Variants in MYORG observed in about 807,000 individuals in gnomAD.
MYORG encodes the protein myogenesis regulating glycosidase.
MYORG carries 45 observed loss-of-function variants against 49.8 expected under a neutral mutation model. The ratio of observed to expected loss-of-function variants is 0.90; its 90% CI spans 0.71 to 1.16. The LOEUF is 1.16. Among genes scored for constraint, MYORG ranks in the 50% most tolerant of loss-of-function variants. The pLI is 0.00. For missense variants in MYORG, 1,110 were observed against 1,026.5 expected (o/e 1.08, Z -1.11); for synonymous variants, 552 against 462.9 (o/e 1.19, Z -2.47).
chr9:34,372,619 G>T lies in MYORG; in HGVS notation c.325C>A (p.Gln109Lys). ...GAGCGGAAGGCCAGGCGGAAGACCT[G>T]CTCTCCCTTCTGATTGCGGATGGAG... The part of the protein sequence containing the change: ...GFSIRNQKGE[Q>K]VFRLAFRSGA... The change falls in exon 2 of 2, where the codon CAG becomes AAG. Residue 109 changes from glutamine (Q) to lysine (K), a missense_variant. Gln to Lys is a moderately conservative substitution (Grantham distance 53). Coordinates refer to ENST00000297625, the MANE Select transcript of MYORG (RefSeq NM_020702.5). The T allele has an allele frequency of 1.9e-6, 3 of 1,605,732 alleles. No homozygotes were observed. Among genetic ancestry groups the T allele is most frequent in the Non-Finnish European group, 2.5e-6 (3 of 1,176,484 alleles).
Position 34,370,855 on chromosome 9 carries a change from G to A in MYORG, c.2089C>T (p.Leu697Phe). The change falls in exon 2 of 2, where the codon CTC becomes TTC. Residue 697 changes from leucine (L) to phenylalanine (F), a missense_variant. Transcript: ENST00000297625. ...TCCAGGTCGACCGGGTAATCGGTGA[G>A]CAGCACCGGCGTCTTGTCGAAAAGC... Reference protein sequence around the residue: ...GELFDKTPVLLTDYPVDLDEI... With the variant: ...GELFDKTPVLFTDYPVDLDEI... 1.2e-6 allele frequency: 2 copies of A among 1,603,706 alleles called. No individual in the cohort carries two copies. Among genetic ancestry groups the A allele is most frequent in the Non-Finnish European group, 1.7e-6 (2 of 1,171,594 alleles).
rs1820518489 is a variant in MYORG at position 34,367,490 on chromosome 9, A to G, written c.*3309T>C. ...ATCAAAGGCTAGTTAGTTACTTCCT[A>G]GATACAACGGAGGTACAGGCATTGG... On this transcript the variant is annotated 3_prime_UTR_variant, in exon 2 of 2. Transcript: ENST00000297625. The G allele has an allele frequency of 6.6e-6, 1 of 152,248 alleles. No homozygotes were observed. The allele number at this position is 152,248 out of a possible 1,614,324, so 9.4% of individuals were successfully genotyped here.
At position 34,372,629 on chromosome 9, in the gene MYORG, C is replaced by T. The variant is rs376242927; in HGVS notation, c.315G>A (p.Gln105=). The change falls in exon 2 of 2, where the codon CAG becomes CAA. Residue 105 remains glutamine, a synonymous_variant. Transcript: ENST00000297625. ...CCAGGCGGAAGACCTGCTCTCCCTT[C>T]TGATTGCGGATGGAGAAGCCGCCAG... ...LKAGGFSIRN[Q]KGEQVFRLAF... 3.7e-6 allele frequency: 6 copies of T among 1,606,544 alleles called. No individual in the cohort carries two copies. Among genetic ancestry groups the T allele is most frequent in the Non-Finnish European group, 5.1e-6 (6 of 1,176,822 alleles).
In MYORG at chr9:34,372,727, C is replaced by G. The variant is rs200089454; in HGVS notation, c.217G>C (p.Val73Leu). 6.2e-7 allele frequency: 1 copy of G among 1,613,358 alleles called. No homozygotes were observed. The highest frequency in any genetic ancestry group is 1.3e-5 in the African/African-American group (1 of 75,060). The change falls in exon 2 of 2, where the codon GTG (valine) becomes CTG (leucine). Residue 73 changes from valine to leucine, a missense_variant. By Grantham distance (32) the Val-to-Leu change is conservative (BLOSUM62 1). Transcript: ENST00000297625. ...GAGACGCTGTAGTAGCACCAGGCCA[C>G]CACCGCGGCCAGCACAAGCAGCAGC... ...LGLLLVLAAV[V>L]AWCYYSVSLR...
chr9:34,372,095 C>A lies in MYORG; in HGVS notation c.849G>T (p.Val283=). 6.2e-7 allele frequency: 1 copy of A among 1,613,352 alleles called. No homozygotes were observed. Among genetic ancestry groups the A allele is most frequent in the Non-Finnish European group, 8.5e-7 (1 of 1,179,844 alleles). ...RAAAPELSYR[V]CVGSDVTSIH... ...TGGAGGTGACGTCTGAGCCCACGCACACTCGGTAGCTCAGCTCTGGCGCTG... is the reference window on the plus strand; with the variant it reads ...TGGAGGTGACGTCTGAGCCCACGCAAACTCGGTAGCTCAGCTCTGGCGCTG... The change falls in exon 2 of 2, where the codon GTG becomes GTT. Residue 283 remains valine (V), a synonymous_variant. Coordinates refer to ENST00000297625, the MANE Select transcript of MYORG (RefSeq NM_020702.5).
rs1462150708 is a variant in MYORG, at chr9:34,372,718, A to G, written c.226T>C (p.Cys76Arg). 23 of 1,612,978 alleles carry G rather than the reference A, an allele frequency of 1.4e-5. No homozygotes were observed. The highest frequency in any genetic ancestry group is 1.8e-5 in the Non-Finnish European group (21 of 1,179,572). ...LLVLAAVVAW[C>R]YYSVSLRKAE... ...TTGCGTAGGGAGACGCTGTAGTAGCACCAGGCCACCACCGCGGCCAGCACA... is the reference window on the plus strand; with the variant it reads ...TTGCGTAGGGAGACGCTGTAGTAGCGCCAGGCCACCACCGCGGCCAGCACA... Residue 76 changes from cysteine to arginine, a missense_variant, in exon 2 of 2, where the codon TGC becomes CGC. Transcript: ENST00000297625.
rs1416734924 is a variant in MYORG, at chr9:34,372,400, C to G, written c.544G>C (p.Ala182Pro). Residue 182 changes from alanine (A) to proline (P), a missense_variant, in exon 2 of 2, where the codon GCG becomes CCG. Ala to Pro is a conservative substitution (Grantham distance 27). Transcript: ENST00000297625. ...VEHAMFLGDAAAHWYGGAEMR... is the reference protein window; with the variant it reads ...VEHAMFLGDAPAHWYGGAEMR... ...TCGGCGCCACCATACCAGTGGGCCG[C>G]CGCGTCGCCCAAGAACATGGCGTGC... 1.3e-6 allele frequency: 2 copies of G among 1,583,952 alleles called. No individual in the cohort carries two copies. Among genetic ancestry groups the G allele is most frequent in the East Asian group, 4.7e-5 (2 of 42,938 alleles).
chr9:34,375,951 A>G (rs1820710322), intron 1 of MYORG, among the ~76,000 whole-genome samples: 1 of 152,222 alleles, frequency 6.6e-6, no homozygotes, highest in African/African-American at 2.4e-5. Context: ...CAAACAGAAA[A>G]AGGAACTTGT....
Position 34,370,521 on chromosome 9 carries a change from T to C in MYORG, c.*278A>G, listed in dbSNP as rs1451163594. 4.9e-6 allele frequency: 2 copies of C among 411,966 alleles called. No homozygotes were observed. The allele number at this position is 411,966 out of a possible 1,614,324, so 25.5% of individuals were successfully genotyped here. A position where few individuals can be genotyped will look rare whatever the true frequency, so the allele number is the denominator to read the frequency against. ...GAGCTGACCTTTTTCCTCTAAGCTC[T>C]CTGGCTTCCACCCCAGGGAAGAGGT... On this transcript the variant is annotated 3_prime_UTR_variant, in exon 2 of 2. Coordinates refer to ENST00000297625, the MANE Select transcript of MYORG (RefSeq NM_020702.5).
Position 34,367,108 on chromosome 9 carries a change from A to G in MYORG, c.*3691T>C. The G allele has an allele frequency of 1.3e-5, 2 of 152,222 alleles. 1 individual carries two copies. The highest frequency in any genetic ancestry group is 2.9e-5 in the Non-Finnish European group (2 of 68,104). 9.4% of individuals were successfully genotyped at this position (152,222 alleles called of 1,614,324 possible). On this transcript the variant is annotated 3_prime_UTR_variant, in exon 2 of 2. Transcript: ENST00000297625. ...TCTTACATGGCAGCAGACAAGAGAG[A>G]ATGAGAGCCAAGCAAAAGGGGAAAC...
chr9:34,375,694 C>T (rs1820707377), intron 1 of MYORG, among the ~76,000 whole-genome samples: 1 of 152,198 alleles, frequency 6.6e-6, no homozygotes, highest in African/African-American at 2.4e-5. Context: ...ATCTCATGAG[C>T]CCTGGAGGCA....
chr9:34,374,308 C>T lies in MYORG; in HGVS notation c.-63-1302G>A, dbSNP rs569550209. Among the ~76,000 whole-genome samples, 12 of 152,286 alleles carry T rather than the reference C, an allele frequency of 7.9e-5. No individual in the cohort carries two copies. The South Asian group carries it at 1.7e-3, about 21-fold the overall frequency. On this transcript the variant is annotated intron_variant, in intron 1 of 1. Coordinates refer to ENST00000297625, the MANE Select transcript of MYORG (RefSeq NM_020702.5). Reference sequence around the variant, plus strand: ...ATCAAACCATATCTATCCCTAGCTTCGAGAGCTGCTCATTGCTTCCATGAT... The same window carrying T: ...ATCAAACCATATCTATCCCTAGCTTTGAGAGCTGCTCATTGCTTCCATGAT...
intron 1 of MYORG, 123 bp from the exon 2 acceptor site, chr9:34,373,129 G>A (rs1820667797): frequency 1.4e-6 from 1 of 701,600 alleles, no homozygotes; most frequent in South Asian, 1.9e-5. Context: ...AGGGCTTGAA[G>A]AGTGGCAAAG....
At chr9:34,374,438 C>T (rs181742920) in intron 1 of MYORG, among the ~76,000 whole-genome samples, 145 of 152,282 alleles carry the variant, frequency 9.5e-4, no homozygotes, top group Non-Finnish European at 1.8e-3. Context: ...GATTACCAAG[C>T]TCGTTCCTTC....
Position 34,371,963 on chromosome 9 carries a change from G to T in MYORG, c.981C>A (p.Ala327=), listed in dbSNP as rs755314686. 6.2e-7 allele frequency: 1 copy of T among 1,614,042 alleles called. No individual in the cohort carries two copies. Among genetic ancestry groups the T allele is most frequent in the Non-Finnish European group, 8.5e-7 (1 of 1,179,898 alleles). Reference sequence around the variant, plus strand: ...AACGCAGCACCTTGTCCTGGTCCACGGCGCGCCCGTACAGCGCCCATGTGG... The same window carrying T: ...AACGCAGCACCTTGTCCTGGTCCACTGCGCGCCCGTACAGCGCCCATGTGG... ...IWSTWALYGR[A]VDQDKVLRFA... Residue 327 remains alanine (A), a synonymous_variant, in exon 2 of 2, where the codon GCC becomes GCA. Transcript: ENST00000297625.
rs767617737 is a variant in MYORG, at chr9:34,370,989, G to A, written c.1955C>T (p.Ser652Leu). Residue 652 changes from serine (S) to leucine (L), a missense_variant, in exon 2 of 2, where the codon TCG becomes TTG. Ser to Leu is a moderately radical substitution (Grantham distance 145). Coordinates refer to ENST00000297625, the MANE Select transcript of MYORG (RefSeq NM_020702.5). ...PGDETAHRID[S>L]QFLIGDTLLV... The stretch of plus-strand genomic sequence containing the variant: ...CAGCGTGTCCCCAATAAGGAACTGC[G>A]AGTCGATACGGTGAGCTGTCTCGTC... The A allele has an allele frequency of 1.9e-6, 3 of 1,613,524 alleles. No homozygotes were observed. In the South Asian group the frequency reaches 3.3e-5, roughly 18 times the overall value.
In MYORG at chr9:34,371,118, G is replaced by A. The variant is rs1043405651; in HGVS notation, c.1826C>T (p.Ala609Val). The A allele has an allele frequency of 6.2e-7, 1 of 1,607,788 alleles. No homozygotes were observed. The highest frequency in any genetic ancestry group is 8.5e-7 in the Non-Finnish European group (1 of 1,175,986). ...CGGTGCCACAAGCGAGGCCCGCAGG[G>A]CGGCGAACTTCTGCGCGATGGCCAC... ...EVVAIAQKFAALRASLVAPLL... is the reference protein window; with the variant it reads ...EVVAIAQKFAVLRASLVAPLL... The change falls in exon 2 of 2, where the codon GCC becomes GTC. Residue 609 changes from alanine to valine, a missense_variant. Ala to Val is a moderately conservative substitution (Grantham distance 64). Transcript: ENST00000297625.
Position 34,372,939 on chromosome 9 carries a change from A to G in MYORG, c.5T>C (p.Leu2Pro), listed in dbSNP as rs202207332. Residue 2 changes from leucine (L) to proline (P), a missense_variant, in exon 2 of 2, where the codon CTC (leucine) becomes CCC (proline). Physicochemically the swap from Leu to Pro is moderately conservative, Grantham distance 98. Transcript: ENST00000297625. ...CTGGCTCTTCTCCTGAGGGTTCTGG[A>G]GCATTAGTGGGCTGCTAAGAAAGGA... is the stretch of plus-strand genomic sequence containing the variant. M[L>P]QNPQEKSQAY... 2.5e-5 allele frequency: 40 copies of G among 1,613,026 alleles called. No homozygotes were observed. The African/African-American group carries it at 5.3e-4, about 22-fold the overall frequency.
In MYORG at chr9:34,372,692, C is replaced by T. The variant is rs1263896262; in HGVS notation, c.252G>A (p.Lys84=). The change falls in exon 2 of 2, where the codon AAG becomes AAA. Residue 84 remains lysine, a synonymous_variant. Transcript: ENST00000297625. ...GCAGCTCCGCGCGAAGTCGCTCCGC[C>T]TTGCGTAGGGAGACGCTGTAGTAGC... ...AWCYYSVSLR[K]AERLRAELLD... 1.9e-6 allele frequency: 3 copies of T among 1,611,452 alleles called. No homozygotes were observed. Among genetic ancestry groups the T allele is most frequent in the Non-Finnish European group, 2.5e-6 (3 of 1,178,976 alleles).
Sources: allele counts gnomAD v4.1 joint callset (sites outside exome capture counted in the v4.1 genomes callset), GRCh38; gene constraint gnomAD v4.1.1; transcripts MANE v1.5; gene names NCBI Gene and HGNC (gene_info 2026-07-23, HGNC 2026-07-21).